The following BABAM2 variants were observed in gnomAD, a reference collection of about 807,000 sequenced individuals.
BABAM2 encodes the protein BRISC and BRCA1-A complex member 2.
In BABAM2, 31 loss-of-function variants were observed where a neutral mutation model predicts 54.7. The observed-to-expected ratio is 0.57, with a 90% CI of 0.43 to 0.77. The LOEUF (loss-of-function observed/expected upper bound fraction) is 0.77, where lower values mean the gene tolerates loss of function less well. Among genes scored for constraint, BABAM2 ranks in the 30% least tolerant of loss-of-function variants. BABAM2 has a pLI of 0.00. For synonymous variants in BABAM2, 167 were observed against 162.9 expected, an observed-to-expected ratio of 1.03 and a Z score of -0.19; for missense variants, 364 against 455.8, an observed-to-expected ratio of 0.80 and a Z score of 1.83.
intron 3 of BABAM2, among the ~76,000 whole-genome samples, chr2:27,944,794 G>A (rs955197037): frequency 2.0e-5 from 3 of 152,020 alleles, no homozygotes; most frequent in Non-Finnish European, 4.4e-5. Context: ...ACTTTTAAGG[G>A]CTAAACTGTT....
intron 6 of BABAM2, among the ~76,000 whole-genome samples, chr2:28,112,704 A>G (rs1228180154): frequency 7.2e-5 from 11 of 152,126 alleles, no homozygotes. Context: ...ATGATTTATA[A>G]TCCTTTGGGT....
chr2:28,117,608 C>G (rs1668716971), intron 6 of BABAM2, among the ~76,000 whole-genome samples: 1 of 152,194 alleles, frequency 6.6e-6, no homozygotes, highest in African/African-American at 2.4e-5. Context: ...TCTCCCACCA[C>G]AGCCTGGTCT....
At chr2:28,179,406 G>GA in intron 7 of BABAM2, among the ~76,000 whole-genome samples, 1 of 152,284 alleles carries the variant, frequency 6.6e-6, no homozygotes, top group East Asian at 1.9e-4. Context: ...AATAGATGCA[G>GA]AAAAAGCATT....
intron 6 of BABAM2, among the ~76,000 whole-genome samples, chr2:28,105,052 T>C (rs868490312): frequency 2.5e-5 from 2 of 80,440 alleles, no homozygotes; most frequent in African/African-American, 4.5e-5. Context: ...GGTGGGGGGA[T>C]GGGGGAGGGA....
At chr2:28,054,192 A>T (rs1487621314) in intron 6 of BABAM2, among the ~76,000 whole-genome samples, 1 of 152,072 alleles carries the variant, frequency 6.6e-6, no homozygotes, top group African/African-American at 2.4e-5. Context: ...TCATAAATAG[A>T]TACGTAAAGG....
At chr2:28,079,598 A>AT (rs532348776) in intron 6 of BABAM2, among the ~76,000 whole-genome samples, 137 of 152,258 alleles carry the variant, frequency 9.0e-4, no homozygotes, top group Non-Finnish European at 1.6e-3. Context: ...TGATCGTTGT[A>AT]TATTTTTTAA....
At chr2:28,025,555 A>G (rs1675593139) in intron 5 of BABAM2, 135 bp downstream of exon 5, 2 of 802,800 alleles carry the variant, frequency 2.5e-6, no homozygotes, top group East Asian at 3.0e-5. Context: ...CTCATAATTT[A>G]GAGTTTAAAG....
chr2:28,244,886 A>G, intron 10 of BABAM2, 24 bp downstream of exon 10: 2 of 1,591,014 alleles, frequency 1.3e-6, no homozygotes, highest in South Asian at 1.1e-5. Flanking sequence ...TGCTGTCAGC[A>G]TGTCAGCATA....
intron 10 of BABAM2, among the ~76,000 whole-genome samples, chr2:28,281,639 G>A (rs1460484639): frequency 6.6e-6 from 1 of 152,200 alleles, no homozygotes; most frequent in African/African-American, 2.4e-5. Flanking sequence ...TTTTATTTCG[G>A]ACGTGTAGTA....
chr2:28,026,833 AAT>A (rs1161229574), intron 5 of BABAM2, among the ~76,000 whole-genome samples: 13 of 38,192 alleles, frequency 3.4e-4, no homozygotes, highest in South Asian at 2.4e-3. Flanking sequence ...TATATATATA[AAT>A]ATATATAAAT....
chr2:28,112,101 C>CTTTCT (rs1668085447), intron 6 of BABAM2, among the ~76,000 whole-genome samples: 1 of 8,194 alleles, frequency 1.2e-4, no homozygotes, highest in Non-Finnish European at 2.5e-4. Context: ...TTCTTTCTTT[C>CTTTCT]TTTCTTTCTT....
intron 7 of BABAM2, among the ~76,000 whole-genome samples, chr2:28,136,085 G>T (rs1347152269): frequency 2.0e-5 from 3 of 152,084 alleles, no homozygotes; most frequent in Non-Finnish European, 4.4e-5. Flanking sequence ...GTATCCTGTT[G>T]TCCAGCCAAG....
At chr2:28,288,281 A>G (rs1686987479) in intron 10 of BABAM2, among the ~76,000 whole-genome samples, 1 of 151,164 alleles carries the variant, frequency 6.6e-6, no homozygotes, top group Non-Finnish European at 1.5e-5. Flanking sequence ...AGGGCAGGAG[A>G]GTAGTGGGAA....
At chr2:28,221,251 A>G (rs66495389) in intron 7 of BABAM2, among the ~76,000 whole-genome samples, 21,409 of 152,026 alleles carry the variant, frequency 0.14, 1,961 homozygotes, top group African/African-American at 0.25. Context: ...ATCCGGTGCC[A>G]CATCCTTCTT....
At chr2:28,027,003 T>C (rs1254278322) in intron 5 of BABAM2, among the ~76,000 whole-genome samples, 3 of 122,162 alleles carry the variant, frequency 2.5e-5, no homozygotes, top group African/African-American at 9.7e-5. Flanking sequence ...TATATAAATA[T>C]ATATATAAAA....
At chr2:28,235,755 A>G (rs1293148587) in intron 7 of BABAM2, among the ~76,000 whole-genome samples, 3 of 152,086 alleles carry the variant, frequency 2.0e-5, no homozygotes, top group Non-Finnish European at 4.4e-5. Context: ...CTCCAAGTTC[A>G]AGTGATCTCC....
intron 6 of BABAM2, among the ~76,000 whole-genome samples, chr2:28,109,071 A>G (rs985127241): frequency 6.6e-6 from 1 of 152,164 alleles, no homozygotes; most frequent in Admixed American, 6.6e-5. Flanking sequence ...ATGATTATAT[A>G]AAACAGAATA....
intron 6 of BABAM2, among the ~76,000 whole-genome samples, chr2:28,096,932 C>T (rs917383093): frequency 3.9e-5 from 6 of 152,184 alleles, no homozygotes; most frequent in African/African-American, 1.4e-4. Context: ...ATTAGACCAA[C>T]TTACAGGATT....
chr2:28,043,473 G>C (rs1677296675), intron 5 of BABAM2, among the ~76,000 whole-genome samples: 1 of 152,150 alleles, frequency 6.6e-6, no homozygotes, highest in Non-Finnish European at 1.5e-5. Context: ...CTGTGGCACT[G>C]TACACAGTGC....
Sources: gnomAD v4.1 joint callset for allele counts (sites outside exome capture counted in the v4.1 genomes callset) on GRCh38, gnomAD v4.1.1 for gene constraint, MANE v1.5 for transcripts, NCBI Gene and HGNC (gene_info 2026-07-23, HGNC 2026-07-21) for gene names.